Variants in MARCHF8 observed in about 807,000 individuals in gnomAD.
MARCHF8 encodes membrane associated ring-CH-type finger 8.
Under a neutral mutation model 51.6 loss-of-function variants are expected in MARCHF8, and 40 were observed. The ratio of observed to expected loss-of-function variants is 0.77; its 90% CI spans 0.60 to 1.01. MARCHF8 has a LOEUF of 1.01. Among genes scored for constraint, MARCHF8 ranks in the 50% least tolerant of loss-of-function variants. The pLI, the probability that MARCHF8 is intolerant of heterozygous loss-of-function variation, is 0.00. For synonymous variants in MARCHF8, 263 were observed against 280.3 expected (o/e 0.94, Z 0.62); for missense variants, 685 against 708.6 (o/e 0.97, Z 0.38).
intron 1 of MARCHF8, among the ~76,000 whole-genome samples, chr10:45,583,274 T>C (rs1342585547): frequency 1.3e-5 from 2 of 152,076 alleles, no homozygotes; most frequent in South Asian, 2.1e-4. Flanking sequence ...CAAAACACCA[T>C]TAGTGGGAGT....
chr10:45,464,428 T>C, intron 3 of MARCHF8, 101 bp from the exon 4 acceptor site: 1 of 899,738 alleles, frequency 1.1e-6, no homozygotes, highest in Non-Finnish European at 1.9e-6. Flanking sequence ...AAATGTCTGC[T>C]GCTTCCCGCT....
At chr10:45,538,794 C>T (rs2133299040), upstream of MARCHF8, among the ~76,000 whole-genome samples, 1 of 152,306 alleles carries the variant, frequency 6.6e-6, no homozygotes, top group African/African-American at 2.4e-5. Flanking sequence ...GCACCCAATA[C>T]AGGAGCACCC....
chr10:45,537,931 G>C (rs1017327072), upstream of MARCHF8, among the ~76,000 whole-genome samples: 1 of 152,048 alleles, frequency 6.6e-6, no homozygotes, highest in African/African-American at 2.4e-5. Flanking sequence ...ATAGTAAAAG[G>C]ACTAAGATAG....
At chr10:45,577,556 G>C (rs1424800763) in intron 1 of MARCHF8, among the ~76,000 whole-genome samples, 1 of 152,070 alleles carries the variant, frequency 6.6e-6, no homozygotes, top group African/African-American at 2.4e-5. Flanking sequence ...GGCTGGAGGA[G>C]CTAGTCAGCC....
At chr10:45,594,116 C>T (rs2044710125) in intron 1 of MARCHF8, 2 of 152,118 alleles carry the variant, frequency 1.3e-5, no homozygotes, top group Admixed American at 6.5e-5. Flanking sequence ...ATTATAACCC[C>T]CACCCAATAA....
Position 45,489,253 on chromosome 10 carries a change from G to A in MARCHF8, c.153+114C>T, listed in dbSNP as rs2043039181. ...TGGTCCCAGAACAGATTACAGAAAT[G>A]TATCAAGAACTCTAACGTCTTTTCA... On this transcript the variant is annotated intron_variant, in intron 3 of 7. Coordinates refer to ENST00000453424, the MANE Select transcript of MARCHF8 (RefSeq NM_001282866.2). 3.8e-6 allele frequency: 3 copies of A among 788,078 alleles called. No individual in the cohort carries two copies. The South Asian group carries it at 5.3e-5, about 14-fold the overall frequency. The allele number at this position is 788,078 out of a possible 1,614,324, so 48.8% of individuals were successfully genotyped here. A position where few individuals can be genotyped will look rare whatever the true frequency, so the allele number is the denominator to read the frequency against.
chr10:45,568,791 G>A (rs1026827340), intron 1 of MARCHF8, among the ~76,000 whole-genome samples: 21 of 150,650 alleles, frequency 1.4e-4, no homozygotes, highest in African/African-American at 3.2e-4. Context: ...AAAACAAGCC[G>A]GGTGTGCTGG....
chr10:45,530,686 T>C (rs557139918), intron 2 of MARCHF8, among the ~76,000 whole-genome samples: 1 of 152,112 alleles, frequency 6.6e-6, no homozygotes, highest in African/African-American at 2.4e-5. Context: ...GGCAGGAGGA[T>C]CATTTGAGCC....
intron 1 of MARCHF8, among the ~76,000 whole-genome samples, chr10:45,546,946 G>C (rs2044131735): frequency 6.6e-6 from 1 of 152,156 alleles, no homozygotes; most frequent in Non-Finnish European, 1.5e-5. Flanking sequence ...AGCATTGCCA[G>C]TTGCAGTGGC....
chr10:45,575,648 A>T (rs1341617069), intron 1 of MARCHF8, among the ~76,000 whole-genome samples: 2 of 152,106 alleles, frequency 1.3e-5, no homozygotes, highest in Non-Finnish European at 2.9e-5. Flanking sequence ...TCGCTACCCC[A>T]ACACTTTACC....
At chr10:45,546,438 C>A (rs2044123659) in intron 1 of MARCHF8, among the ~76,000 whole-genome samples, 1 of 152,048 alleles carries the variant, frequency 6.6e-6, no homozygotes, top group South Asian at 2.1e-4. Flanking sequence ...GCTGAGATTA[C>A]AGGCGTGAGC....
chr10:45,557,158 G>A (rs966043836), intron 1 of MARCHF8, among the ~76,000 whole-genome samples: 5 of 109,540 alleles, frequency 4.6e-5, no homozygotes, highest in Non-Finnish European at 8.5e-5. Context: ...CGGGAGTTTC[G>A]CTCTTGTTGC....
intron 2 of MARCHF8, among the ~76,000 whole-genome samples, chr10:45,509,301 C>T (rs866339008): frequency 1.3e-5 from 2 of 152,172 alleles, no homozygotes; most frequent in African/African-American, 2.4e-5. Context: ...ATTGTTGATG[C>T]TGTTTGAATG....
chr10:45,505,582 C>T (rs773927128), intron 2 of MARCHF8, among the ~76,000 whole-genome samples: 2 of 152,192 alleles, frequency 1.3e-5, no homozygotes, highest in Non-Finnish European at 2.9e-5. Flanking sequence ...GGTTGAAGAA[C>T]AAGATAACAT....
chr10:45,463,584 A>G lies in MARCHF8; in HGVS notation c.655T>C (p.Ser219Pro). 6.4e-7 allele frequency: 1 copy of G among 1,550,654 alleles called. No homozygotes were observed. Among genetic ancestry groups the G allele is most frequent in the Non-Finnish European group, 8.7e-7 (1 of 1,147,014 alleles). ...GTTGAGCGACCGGCAGAAAGGCATG[A>G]AACACAAGAATGTTTGGAATTGCCA... ...PLGNSKHSCV[S>P]CLSAGRSTAS... Residue 219 changes from serine to proline, a missense_variant, in exon 5 of 8, where the codon TCA becomes CCA. Coordinates refer to ENST00000453424, the MANE Select transcript of MARCHF8 (RefSeq NM_001282866.2).
At chr10:45,590,519 C>T (rs941195461) in intron 1 of MARCHF8, among the ~76,000 whole-genome samples, 1 of 152,004 alleles carries the variant, frequency 6.6e-6, no homozygotes, top group African/African-American at 2.4e-5. Flanking sequence ...TACTGGTGTA[C>T]GCACCTGACA....
chr10:45,472,362 T>C (rs945002280), intron 3 of MARCHF8, among the ~76,000 whole-genome samples: 4 of 152,228 alleles, frequency 2.6e-5, no homozygotes, highest in East Asian at 1.9e-4. Flanking sequence ...ACTAGGTGTT[T>C]AGGGAACATT....
At chr10:45,511,868 C>T (rs1329591910) in intron 2 of MARCHF8, among the ~76,000 whole-genome samples, 1 of 151,594 alleles carries the variant, frequency 6.6e-6, no homozygotes, top group Non-Finnish European at 1.5e-5. Context: ...CCTGGCCGCC[C>T]ATCGTCTGGG....
intron 1 of MARCHF8, among the ~76,000 whole-genome samples, chr10:45,574,288 TCCC>T (rs926999114): frequency 6.6e-6 from 1 of 152,042 alleles, no homozygotes; most frequent in Non-Finnish European, 1.5e-5. Flanking sequence ...TCCTTACAAT[TCCC>T]CCATTTTACC....
Sources: allele counts gnomAD v4.1 joint callset (sites outside exome capture counted in the v4.1 genomes callset), GRCh38; gene constraint gnomAD v4.1.1; transcripts MANE v1.5; gene names NCBI Gene and HGNC (gene_info 2026-07-23, HGNC 2026-07-21).